The following GPC5 variants were observed in gnomAD, a reference collection of about 807,000 sequenced individuals.
The protein encoded by GPC5 is glypican-5.
A neutral mutation model predicts 53.9 loss-of-function variants in GPC5; 47 were observed. The ratio of observed to expected loss-of-function variants is 0.87; its 90% CI spans 0.69 to 1.11. The LOEUF (loss-of-function observed/expected upper bound fraction) is 1.11, where lower values mean the gene tolerates loss of function less well. Ranked by LOEUF, GPC5 falls within the 50% of genes most tolerant of loss-of-function variation. The pLI is 0.00. For synonymous variants in GPC5, 286 were observed against 263.3 expected (o/e 1.09, Z -0.84); for missense variants, 748 against 713.1 (o/e 1.05, Z -0.56).
At chr13:92,350,335 GTCCACTTT>G (rs748108274) in intron 7 of GPC5, among the ~76,000 whole-genome samples, 6 of 152,128 alleles carry the variant, frequency 3.9e-5, no homozygotes, top group African/African-American at 7.2e-5. Context: ...AGATGAGGAT[GTCCACTTT>G]CACCACTCCT....
intron 7 of GPC5, among the ~76,000 whole-genome samples, chr13:92,432,455 C>T (rs1437676604): frequency 1.4e-5 from 2 of 147,618 alleles, no homozygotes; most frequent in Non-Finnish European, 3.0e-5. Context: ...GGGTTCATGC[C>T]TTTCTCCTGC....
chr13:92,698,426 T>C (rs866212219), intron 7 of GPC5, among the ~76,000 whole-genome samples: 1 of 152,120 alleles, frequency 6.6e-6, no homozygotes, highest in South Asian at 2.1e-4. Flanking sequence ...GTTTGGTTTT[T>C]TGTCCTTGCG....
chr13:91,846,542 C>T (rs73611635), intron 5 of GPC5, among the ~76,000 whole-genome samples: 4,434 of 151,880 alleles, frequency 0.029, 204 homozygotes, highest in African/African-American at 0.096. Context: ...CTCCTAGATC[C>T]TTTGTGAAGT....
intron 7 of GPC5, among the ~76,000 whole-genome samples, chr13:92,693,248 G>A (rs1353308369): frequency 1.3e-5 from 2 of 152,150 alleles, no homozygotes; most frequent in African/African-American, 2.4e-5. Flanking sequence ...GGTACCAGGA[G>A]TGTGGCACTG....
chr13:92,143,554 T>C (rs1462027822), intron 6 of GPC5, among the ~76,000 whole-genome samples: 2 of 152,176 alleles, frequency 1.3e-5, no homozygotes, highest in African/African-American at 4.8e-5. Context: ...TTTAATTTAA[T>C]GCCACCTATT....
intron 1 of GPC5, among the ~76,000 whole-genome samples, chr13:91,422,552 C>T (rs979070200): frequency 2.2e-4 from 34 of 152,036 alleles, no homozygotes; most frequent in Non-Finnish European, 2.4e-4. Flanking sequence ...AGGAGAATTG[C>T]TGGAACCCAG....
At chr13:91,792,897 A>G (rs2037989693) in intron 5 of GPC5, among the ~76,000 whole-genome samples, 1 of 152,178 alleles carries the variant, frequency 6.6e-6, no homozygotes, top group Admixed American at 6.5e-5. Flanking sequence ...ATATCACTAT[A>G]CTAAGGACTG....
At chr13:91,506,464 G>A (rs936748645) in intron 2 of GPC5, among the ~76,000 whole-genome samples, 1 of 151,872 alleles carries the variant, frequency 6.6e-6, no homozygotes, top group Admixed American at 6.6e-5. Flanking sequence ...TATCTTGATT[G>A]TCTCTTACTC....
chr13:92,393,604 G>A (rs1023676820), intron 7 of GPC5, among the ~76,000 whole-genome samples: 3 of 152,120 alleles, frequency 2.0e-5, no homozygotes, highest in Admixed American at 6.5e-5. Flanking sequence ...ACCTGAGATC[G>A]CACCATTGCA....
chr13:91,510,518 C>A (rs1885179330), intron 2 of GPC5, among the ~76,000 whole-genome samples: 1 of 152,116 alleles, frequency 6.6e-6, no homozygotes, highest in African/African-American at 2.4e-5. Flanking sequence ...TATATAATTT[C>A]TGTCCATATT....
At chr13:91,487,730 T>C (rs1883694926) in intron 2 of GPC5, among the ~76,000 whole-genome samples, 3 of 152,206 alleles carry the variant, frequency 2.0e-5, no homozygotes, top group Admixed American at 2.0e-4. Context: ...ATCTATTATC[T>C]CTACTTCTCC....
intron 7 of GPC5, among the ~76,000 whole-genome samples, chr13:92,518,933 T>G (rs1043168099): frequency 2.0e-5 from 3 of 152,132 alleles, no homozygotes; most frequent in Middle Eastern, 3.4e-3. Context: ...GCTGGAGGAA[T>G]ATCTACCAAG....
intron 7 of GPC5, among the ~76,000 whole-genome samples, chr13:92,283,429 C>T (rs1004178766): frequency 6.6e-6 from 1 of 152,312 alleles, no homozygotes; most frequent in Admixed American, 6.5e-5. Flanking sequence ...CCCAAATCAA[C>T]AGAATATACG....
intron 7 of GPC5, among the ~76,000 whole-genome samples, chr13:92,704,553 A>AAATT (rs1189222151): frequency 1.3e-5 from 2 of 152,032 alleles, no homozygotes; most frequent in African/African-American, 4.8e-5. Flanking sequence ...TCATCAAATT[A>AAATT]AATTATTCTT....
chr13:92,242,658 T>A (rs1214578537), intron 7 of GPC5, among the ~76,000 whole-genome samples: 1 of 152,140 alleles, frequency 6.6e-6, no homozygotes, highest in East Asian at 1.9e-4. Context: ...TAAACTATTG[T>A]TTATCTCTTT....
intron 2 of GPC5, among the ~76,000 whole-genome samples, chr13:91,674,181 T>C (rs563445120): frequency 1.7e-4 from 26 of 152,286 alleles, no homozygotes; most frequent in African/African-American, 6.3e-4. Context: ...TCAAGTTGAC[T>C]GGGCCATGAG....
At chr13:92,185,389 T>C (rs1030646563) in intron 7 of GPC5, among the ~76,000 whole-genome samples, 2 of 152,330 alleles carry the variant, frequency 1.3e-5, no homozygotes, top group Admixed American at 6.5e-5. Flanking sequence ...TGAATTCTCT[T>C]AAACTTACTA....
At chr13:92,761,098 AAAG>A (rs1210955574) in intron 7 of GPC5, among the ~76,000 whole-genome samples, 2 of 152,166 alleles carry the variant, frequency 1.3e-5, no homozygotes, top group African/African-American at 4.8e-5. Context: ...TATGTGCACT[AAAG>A]AAGAATGTGT....
chr13:92,463,624 G>A (rs1878579423), intron 7 of GPC5, among the ~76,000 whole-genome samples: 1 of 151,958 alleles, frequency 6.6e-6, no homozygotes, highest in African/African-American at 2.4e-5. Context: ...TTTAACTCTA[G>A]AGGAGCTCTT....
Sources: gnomAD v4.1 joint callset for allele counts (sites outside exome capture counted in the v4.1 genomes callset) on GRCh38, gnomAD v4.1.1 for gene constraint, MANE v1.5 for transcripts, NCBI Gene and HGNC (gene_info 2026-07-23, HGNC 2026-07-21) for gene names.